BAZ2B: variants seen among roughly 807,000 people sequenced by gnomAD.
BAZ2B encodes bromodomain adjacent to zinc finger domain 2B, also known as bromodomain adjacent to zinc finger domain protein 2B.
A neutral mutation model predicts 246.0 loss-of-function variants in BAZ2B; 91 were observed. The ratio of observed to expected loss-of-function variants is 0.37; its 90% CI spans 0.31 to 0.44. The LOEUF (loss-of-function observed/expected upper bound fraction) is 0.44, where lower values mean the gene tolerates loss of function less well. Among genes scored for constraint, BAZ2B ranks in the 20% least tolerant of loss-of-function variants. BAZ2B has a pLI of 1.00. For missense variants in BAZ2B, 2,332 were observed against 2,533.7 expected, an observed-to-expected ratio of 0.92 and a Z score of 1.71; for synonymous variants, 855 against 860.0, an observed-to-expected ratio of 0.99 and a Z score of 0.10.
intron 34 of BAZ2B, among the ~76,000 whole-genome samples, chr2:159,328,070 GAA>G (rs1306873341): frequency 3.9e-3 from 193 of 49,526 alleles, no homozygotes; most frequent in South Asian, 0.011. Context: ...GCCTCAAAAC[GAA>G]AAAAAAAAAA....
At chr2:159,680,365 T>C in the BAZ2B span, among the ~76,000 whole-genome samples, 5 of 152,262 alleles carry the variant, frequency 3.3e-5, no homozygotes, top group Admixed American at 2.6e-4. Context: ...ACTACCTATT[T>C]GTTAGATACC....
chr2:159,583,373 C>T (rs1443725335), intron 1 of BAZ2B, among the ~76,000 whole-genome samples: 2 of 152,146 alleles, frequency 1.3e-5, no homozygotes, highest in Admixed American at 6.5e-5. Flanking sequence ...CCTCAGCCTC[C>T]CAAAGTGCTG....
the BAZ2B span, among the ~76,000 whole-genome samples, chr2:159,646,863 A>T: frequency 6.6e-6 from 1 of 152,152 alleles, no homozygotes; most frequent in Non-Finnish European, 1.5e-5. Flanking sequence ...CCTCTTTTAC[A>T]TCTGAGAGCT....
At chr2:159,585,426 TA>T (rs1393797367) in intron 1 of BAZ2B, among the ~76,000 whole-genome samples, 6 of 152,164 alleles carry the variant, frequency 3.9e-5, no homozygotes, top group African/African-American at 9.7e-5. Context: ...AACAGACACA[TA>T]AAAAAATATG....
Position 159,453,607 on chromosome 2 carries a change from G to A in BAZ2B, c.334+6C>T, listed in dbSNP as rs1442133761. On this transcript the variant is annotated splice_donor_region_variant and intron_variant, in intron 4 of 36. Transcript: ENST00000392783. ...CCCTTGAACACTGTTTGTAACAGAT[G>A]TTTACCTGGAAAAGATGCTAGTTGG... 1.0e-5 allele frequency: 16 copies of A among 1,594,846 alleles called. No individual in the cohort carries two copies. Among genetic ancestry groups the A allele is most frequent in the Non-Finnish European group, 1.3e-5 (15 of 1,170,322 alleles).
chr2:159,614,559 A>G (rs1695450172), intron 1 of BAZ2B, among the ~76,000 whole-genome samples: 1 of 152,158 alleles, frequency 6.6e-6, no homozygotes, highest in East Asian at 1.9e-4. Context: ...AAAAATCCAT[A>G]AGGGAGAGTG....
At chr2:159,440,912 T>C (rs1291617404) in intron 6 of BAZ2B, among the ~76,000 whole-genome samples, 2 of 152,056 alleles carry the variant, frequency 1.3e-5, no homozygotes, top group Non-Finnish European at 2.9e-5. Context: ...ATTTCTTGAG[T>C]TTTCTTCCCT....
intron 1 of BAZ2B, among the ~76,000 whole-genome samples, chr2:159,579,632 T>C (rs1384185471): frequency 6.6e-6 from 1 of 152,120 alleles, no homozygotes; most frequent in Non-Finnish European, 1.5e-5. Context: ...AAAAGATAAT[T>C]TTAGACCAAT....
intron 1 of BAZ2B, chr2:159,615,321 G>A (rs1213105313): frequency 1.3e-5 from 2 of 152,404 alleles, no homozygotes; most frequent in African/African-American, 4.8e-5. Context: ...ATTAAAAGAG[G>A]GAAGCAGAGG....
chr2:159,610,343 CAA>C (rs989968825), intron 1 of BAZ2B, among the ~76,000 whole-genome samples: 7 of 152,118 alleles, frequency 4.6e-5, no homozygotes, highest in Non-Finnish European at 7.4e-5. Context: ...GGTTTGCATA[CAA>C]AGACCTTAGA....
At chr2:159,378,815 T>C (rs1026811128) in intron 25 of BAZ2B, among the ~76,000 whole-genome samples, 2 of 152,080 alleles carry the variant, frequency 1.3e-5, no homozygotes, top group African/African-American at 4.8e-5. Context: ...GACAGGAGTG[T>C]TGGCAAGGAT....
At chr2:159,322,014 C>T (rs2062773769) in intron 36 of BAZ2B, 1 of 152,046 alleles carries the variant, frequency 6.6e-6, no homozygotes, top group South Asian at 2.1e-4. Context: ...TAAATATATA[C>T]ACCTACTGTG....
intron 9 of BAZ2B, 59 bp from the exon 10 acceptor site, chr2:159,431,215 T>A: frequency 6.5e-7 from 1 of 1,528,054 alleles, no homozygotes; most frequent in Non-Finnish European, 8.8e-7. Flanking sequence ...TAATTTGCAG[T>A]TTGTATCTAA....
the BAZ2B span, among the ~76,000 whole-genome samples, chr2:159,682,629 T>C: frequency 6.6e-6 from 1 of 152,206 alleles, no homozygotes; most frequent in African/African-American, 2.4e-5. Flanking sequence ...AGCTCTTGGC[T>C]ATGGAAAATA....
rs1360202097 is a variant in BAZ2B, at chr2:159,453,730, T to C, written c.217A>G (p.Ser73Gly). 3 of 1,613,822 alleles carry C rather than the reference T, an allele frequency of 1.9e-6. No individual in the cohort carries two copies. The highest frequency in any genetic ancestry group is 3.3e-5 in the Admixed American group (2 of 59,968). The change falls in exon 4 of 37, where the codon AGC (serine) becomes GGC (glycine). Residue 73 changes from serine (S) to glycine (G), a missense_variant. By Grantham distance (56) the Ser-to-Gly change is moderately conservative (BLOSUM62 0). Coordinates refer to ENST00000392783, the MANE Select transcript of BAZ2B (RefSeq NM_013450.4). ...STVSSAFPMV[S>G]HPVFGLHSAS... The stretch of plus-strand genomic sequence containing the variant: ...GAATGTAGACCAAAGACTGGGTGGC[T>C]GACCATTGGGAAGGCACTCGACACT...
the BAZ2B span, among the ~76,000 whole-genome samples, chr2:159,683,041 T>C: frequency 6.6e-6 from 1 of 152,072 alleles, no homozygotes; most frequent in Non-Finnish European, 1.5e-5. Flanking sequence ...ATTTCCCCCA[T>C]GGAGCATTAT....
At chr2:159,643,876 CAA>C in the BAZ2B span, among the ~76,000 whole-genome samples, 6,265 of 65,590 alleles carry the variant, frequency 0.096, 149 homozygotes, top group African/African-American at 0.27. Flanking sequence ...AACTCCATCA[CAA>C]AAAAAAAAAA....
intron 1 of BAZ2B, among the ~76,000 whole-genome samples, chr2:159,579,548 A>G (rs1686209176): frequency 6.6e-6 from 1 of 152,188 alleles, no homozygotes; most frequent in South Asian, 2.1e-4. Context: ...CAATAGAAAA[A>G]GAGGGAATCC....
chr2:159,473,991 A>G (rs1327926939), intron 3 of BAZ2B, among the ~76,000 whole-genome samples: 1 of 152,168 alleles, frequency 6.6e-6, no homozygotes, highest in Non-Finnish European at 1.5e-5. Context: ...TTATGTGGTC[A>G]GCTTTAGAAT....
Sources: gnomAD v4.1 joint callset for allele counts (sites outside exome capture counted in the v4.1 genomes callset) on GRCh38, gnomAD v4.1.1 for gene constraint, MANE v1.5 for transcripts, NCBI Gene and HGNC (gene_info 2026-07-23, HGNC 2026-07-21) for gene names.